TTC28: variants seen among roughly 807,000 people sequenced by gnomAD.
TTC28 encodes the protein tetratricopeptide repeat domain 28.
In TTC28, 61 loss-of-function variants were observed where a neutral mutation model predicts 198.0. That is an observed-to-expected ratio of 0.31 (90% confidence interval 0.25 to 0.38). The LOEUF (loss-of-function observed/expected upper bound fraction) is 0.38. Ranked by LOEUF, TTC28 falls within the 10% of genes least tolerant of loss-of-function variation. TTC28 has a pLI of 1.00. For synonymous variants in TTC28, 1,171 were observed against 1,297.8 expected, an observed-to-expected ratio of 0.90 and a Z score of 2.10; for missense variants, 2,678 against 3,164.0, an observed-to-expected ratio of 0.85 and a Z score of 3.69.
chr22:28,449,539 A>G (rs2047749090), intron 2 of TTC28, among the ~76,000 whole-genome samples: 1 of 152,248 alleles, frequency 6.6e-6, no homozygotes, highest in Non-Finnish European at 1.5e-5. Flanking sequence ...AGGCTAAAGA[A>G]TTAAGCAAAT....
chr22:28,562,803 G>C (rs1191043231), intron 2 of TTC28, among the ~76,000 whole-genome samples: 1 of 152,204 alleles, frequency 6.6e-6, no homozygotes. Context: ...TACTTCATCA[G>C]AGGAAGGGTT....
rs187406267 is a variant in TTC28, at chr22:28,329,269, G to C, written c.382-22626C>G. ...CATGCATGCAGACACAAAGCTTAAA[G>C]AAAAATAAGCATAGAAACCCAATAA... On this transcript the variant is annotated intron_variant, in intron 2 of 22. Transcript: ENST00000397906. Among the ~76,000 whole-genome samples the C allele has an allele frequency of 8.7e-4, 132 of 152,130 alleles. 1 individual carries two copies. Among genetic ancestry groups the C allele is most frequent in the African/African-American group, 3.1e-3 (128 of 41,520 alleles).
Position 28,105,667 on chromosome 22 carries a change from G to T in TTC28, c.2919C>A (p.Tyr973Ter). 6.4e-7 allele frequency: 1 copy of T among 1,551,890 alleles called. No individual in the cohort carries two copies. Among genetic ancestry groups the T allele is most frequent in the Non-Finnish European group, 8.7e-7 (1 of 1,147,044 alleles). Residue 973 changes from tyrosine to a stop codon, truncating the protein, a stop_gained, in exon 8 of 23, where the codon TAC becomes TAA. Transcript: ENST00000397906. LOFTEE classifies it high-confidence loss of function. ...LGSLHSQLGN[Y>*]EQAISCLERQ... ...GTTCAAGGCAGGAAATGGCTTGTTC[G>T]TAATTCCCTAATTGGCTGTGCAGAC...
chr22:28,170,999 T>C (rs1177969429), intron 5 of TTC28, among the ~76,000 whole-genome samples: 9 of 150,412 alleles, frequency 6.0e-5, no homozygotes, highest in Non-Finnish European at 1.2e-4. Flanking sequence ...TTTTTTTTTC[T>C]TATTTTGGCC....
chr22:28,319,793 T>G (rs548347328), intron 2 of TTC28, among the ~76,000 whole-genome samples: 2 of 152,028 alleles, frequency 1.3e-5, no homozygotes, highest in Non-Finnish European at 1.5e-5. Context: ...AAAGAAAGAG[T>G]TGATAGCCAG....
At chr22:28,150,218 G>A (rs1379059101) in intron 6 of TTC28, among the ~76,000 whole-genome samples, 1 of 152,102 alleles carries the variant, frequency 6.6e-6, no homozygotes, top group African/African-American at 2.4e-5. Flanking sequence ...CTACCACTCA[G>A]ATCAAGAAGC....
At chr22:28,054,568 C>T (rs1241470637) in intron 12 of TTC28, among the ~76,000 whole-genome samples, 2 of 152,176 alleles carry the variant, frequency 1.3e-5, no homozygotes, top group East Asian at 3.9e-4. Context: ...GTGGTGATGG[C>T]TTCCAACTCA....
intron 2 of TTC28, among the ~76,000 whole-genome samples, chr22:28,509,160 T>C (rs966829965): frequency 7.5e-5 from 11 of 147,154 alleles, no homozygotes; most frequent in South Asian, 6.4e-4. Flanking sequence ...CACTGCACTC[T>C]AGCCTGGGCA....
intron 12 of TTC28, among the ~76,000 whole-genome samples, chr22:28,039,802 C>G (rs1939537964): frequency 6.6e-6 from 1 of 151,644 alleles, no homozygotes; most frequent in Non-Finnish European, 1.5e-5. Flanking sequence ...ATCCAGGAGC[C>G]TTTTTTAAAA....
chr22:28,552,447 T>C (rs58065411), intron 2 of TTC28, among the ~76,000 whole-genome samples: 2,464 of 151,684 alleles, frequency 0.016, 89 homozygotes, highest in African/African-American at 0.057. Flanking sequence ...AAAGAACAAA[T>C]CTAGAAGTAT....
At chr22:28,461,023 A>G (rs1011723358) in intron 2 of TTC28, among the ~76,000 whole-genome samples, 1 of 152,208 alleles carries the variant, frequency 6.6e-6, no homozygotes, top group Non-Finnish European at 1.5e-5. Flanking sequence ...ACAAAATACA[A>G]TAACTTAATT....
intron 2 of TTC28, among the ~76,000 whole-genome samples, chr22:28,577,181 A>G (rs1569036151): frequency 6.6e-6 from 1 of 151,902 alleles, no homozygotes. Flanking sequence ...CCATTTTCAC[A>G]TTTGTTTTGA....
At chr22:28,539,984 G>A (rs1413850633) in intron 2 of TTC28, among the ~76,000 whole-genome samples, 4 of 127,726 alleles carry the variant, frequency 3.1e-5, no homozygotes, top group South Asian at 2.9e-4. Flanking sequence ...TCACTCTGTC[G>A]CCCAGGCTGG....
chr22:28,033,481 T>C (rs1370084633), intron 12 of TTC28, among the ~76,000 whole-genome samples: 1 of 152,132 alleles, frequency 6.6e-6, no homozygotes, highest in East Asian at 1.9e-4. Context: ...GTGTAAGAAC[T>C]ACAGGGGCTA....
At chr22:28,448,740 G>C (rs2047736468) in intron 2 of TTC28, among the ~76,000 whole-genome samples, 2 of 152,128 alleles carry the variant, frequency 1.3e-5, no homozygotes, top group Admixed American at 1.3e-4. Context: ...CACAGCCCAG[G>C]TGATGCAGGA....
chr22:28,264,886 G>A (rs573006457), intron 5 of TTC28, among the ~76,000 whole-genome samples: 48 of 152,224 alleles, frequency 3.2e-4, no homozygotes, highest in Admixed American at 1.2e-3. Context: ...AGAGACTTCC[G>A]AATGATTCCT....
At chr22:28,413,701 A>T (rs983134908) in intron 2 of TTC28, among the ~76,000 whole-genome samples, 1 of 152,058 alleles carries the variant, frequency 6.6e-6, no homozygotes, top group Non-Finnish European at 1.5e-5. Flanking sequence ...TTAGAATGCT[A>T]AAGAAACAAA....
intron 2 of TTC28, among the ~76,000 whole-genome samples, chr22:28,482,497 C>G (rs1269912435): frequency 1.3e-5 from 2 of 152,050 alleles, no homozygotes; most frequent in Admixed American, 1.3e-4. Context: ...CATGAGCCAC[C>G]GCGCCCGGCC....
chr22:28,548,775 C>T (rs1378246027), intron 2 of TTC28, among the ~76,000 whole-genome samples: 1 of 152,170 alleles, frequency 6.6e-6, no homozygotes. Flanking sequence ...GGCCATTTTT[C>T]TCATCGGCTC....
Sources: gnomAD v4.1 joint callset for allele counts (sites outside exome capture counted in the v4.1 genomes callset) on GRCh38, gnomAD v4.1.1 for gene constraint, MANE v1.5 for transcripts, NCBI Gene and HGNC (gene_info 2026-07-23, HGNC 2026-07-21) for gene names.